Variants in RNF185 observed in about 807,000 individuals in gnomAD.
The protein encoded by RNF185 is E3 ubiquitin-protein ligase RNF185.
In RNF185, 13 loss-of-function variants were observed where a neutral mutation model predicts 24.9. That is an observed-to-expected ratio of 0.52 (90% CI 0.34 to 0.83). The LOEUF (loss-of-function observed/expected upper bound fraction) is 0.83, where lower values mean the gene tolerates loss of function less well. Among genes scored for constraint, RNF185 ranks in the 40% least tolerant of loss-of-function variants. RNF185 has a pLI of 0.01. For missense variants in RNF185, 184 were observed against 244.7 expected, an observed-to-expected ratio of 0.75 and a Z score of 1.65; for synonymous variants, 79 against 90.3, an observed-to-expected ratio of 0.88 and a Z score of 0.71.
rs60362805 is a variant in RNF185 at position 31,163,656 on chromosome 22, T to TTTTATTTATTTATTTATTTA, written c.-49+3369_-49+3388dup. Reference sequence around the variant, plus strand: ...TATTGTTTTTTAACTTTTTATTTTATTTTATTTATTTATTTATTTATTTAT... The same window carrying TTTTATTTATTTATTTATTTA: ...TATTGTTTTTTAACTTTTTATTTTATTTTATTTATTTATTTATTTATTTATTTATTTATTTATTTATTTAT... On this transcript the variant is annotated intron_variant, in intron 1 of 6. Coordinates refer to ENST00000326132, the MANE Select transcript of RNF185 (RefSeq NM_152267.4). 3.2e-4 allele frequency among the ~76,000 whole-genome samples: 45 copies of TTTTATTTATTTATTTATTTA among 141,092 alleles called. 1 individual carries two copies. The highest frequency in any genetic ancestry group is 4.6e-4 in the South Asian group (2 of 4,386). The allele number at this position is 141,092 out of a possible 152,430, so 92.6% of individuals were successfully genotyped here.
chr22:31,187,315 G>A lies in RNF185; in HGVS notation c.176+45G>A, dbSNP rs141684448. 1,726 of 1,607,346 alleles carry A rather than the reference G, an allele frequency of 1.1e-3. 17 individuals are homozygous for A. The African/African-American group carries it at 0.021, about 20-fold the overall frequency. The stretch of plus-strand genomic sequence containing the variant: ...CCCCAGAGAGCACATTGCCAAGTTT[G>A]GAAAGCCTGTGGCCCTGGGTGGTTT... On this transcript the variant is annotated intron_variant, in intron 2 of 6. Coordinates refer to ENST00000326132, the MANE Select transcript of RNF185 (RefSeq NM_152267.4).
intron 5 of RNF185, 53 bp from the exon 6 acceptor site, chr22:31,201,445 A>T: frequency 1.5e-6 from 2 of 1,324,478 alleles, no homozygotes; most frequent in Non-Finnish European, 2.2e-6. Flanking sequence ...TTTGACAGGC[A>T]CAGGAGAAAC....
intron 1 of RNF185, among the ~76,000 whole-genome samples, chr22:31,181,251 AG>A (rs1301774473): frequency 6.6e-6 from 1 of 151,896 alleles, no homozygotes; most frequent in African/African-American, 2.4e-5. Flanking sequence ...AGGCTGAGGC[AG>A]GGGATTGCTT....
chr22:31,182,009 T>A (rs903925774), intron 1 of RNF185, among the ~76,000 whole-genome samples: 4 of 150,206 alleles, frequency 2.7e-5, no homozygotes, highest in Non-Finnish European at 4.4e-5. Context: ...ATAATAAAAA[T>A]ATATATATAT....
Position 31,184,671 on chromosome 22 carries a change from C to T in RNF185, c.-48-2376C>T, listed in dbSNP as rs900145921. 2.0e-4 allele frequency among the ~76,000 whole-genome samples: 30 copies of T among 152,178 alleles called. 1 individual carries two copies. Among genetic ancestry groups the T allele is most frequent in the Admixed American group, 1.9e-3 (29 of 15,274 alleles). ...GACTCCGTCTGCAATCCTGGCACCT[C>T]GGGAGGCCGAGGCTGGCAGACCACT... On this transcript the variant is annotated intron_variant, in intron 1 of 6. Coordinates refer to ENST00000326132, the MANE Select transcript of RNF185 (RefSeq NM_152267.4).
chr22:31,197,863 G>A (rs1326685999), intron 5 of RNF185, among the ~76,000 whole-genome samples: 7 of 152,166 alleles, frequency 4.6e-5, no homozygotes, highest in South Asian at 4.2e-4. Context: ...GATTACAGGC[G>A]TGAACCACTG....
chr22:31,163,963 C>T (rs895745975), intron 1 of RNF185, among the ~76,000 whole-genome samples: 30 of 147,004 alleles, frequency 2.0e-4, no homozygotes, highest in African/African-American at 6.5e-4. Flanking sequence ...CTTGAGCCAC[C>T]GTGCCTGGCC....
intron 1 of RNF185, chr22:31,183,170 GC>G (rs527997553): frequency 4.1e-4 from 63 of 151,944 alleles, no homozygotes; most frequent in African/African-American, 1.4e-3. Flanking sequence ...GTATCCACCT[GC>G]CTCGGCCTCC....
At chr22:31,164,988 G>T (rs1016955803) in intron 1 of RNF185, among the ~76,000 whole-genome samples, 1 of 151,072 alleles carries the variant, frequency 6.6e-6, no homozygotes, top group Non-Finnish European at 1.5e-5. Flanking sequence ...TTGGCTCACC[G>T]CAACATCTGC....
intron 1 of RNF185, among the ~76,000 whole-genome samples, chr22:31,173,748 T>C (rs911444589): frequency 1.3e-5 from 2 of 152,234 alleles, no homozygotes; most frequent in Admixed American, 1.3e-4. Context: ...CAGTGTTAGC[T>C]ATGTTACTTA....
Position 31,204,773 on chromosome 22 carries a change from C to T in RNF185, c.*187C>T, listed in dbSNP as rs1042765098. On this transcript the variant is annotated 3_prime_UTR_variant, in exon 7 of 7. Coordinates refer to ENST00000326132, the MANE Select transcript of RNF185 (RefSeq NM_152267.4). Reference sequence around the variant, plus strand: ...CCAGTTGGCGATGACCCCTGAATATCGCCACCGCTGTAAACACTCTATAAC... The same window carrying T: ...CCAGTTGGCGATGACCCCTGAATATTGCCACCGCTGTAAACACTCTATAAC... 25 of 577,066 alleles carry T rather than the reference C, an allele frequency of 4.3e-5. No homozygotes were observed. Among genetic ancestry groups the T allele is most frequent in the Admixed American group, 3.7e-4 (13 of 35,276 alleles). The allele number at this position is 577,066 out of a possible 1,614,324, so 35.7% of individuals were successfully genotyped here.
At chr22:31,166,629 C>T (rs771940596) in intron 1 of RNF185, among the ~76,000 whole-genome samples, 61 of 150,216 alleles carry the variant, frequency 4.1e-4, no homozygotes, top group Admixed American at 7.4e-4. Context: ...CCTCCTTCTT[C>T]TTCTTCTTCT....
intron 1 of RNF185, among the ~76,000 whole-genome samples, chr22:31,184,624 A>G (rs1339627304): frequency 6.6e-6 from 1 of 152,290 alleles, no homozygotes; most frequent in South Asian, 2.1e-4. Flanking sequence ...AGCCTGGGCA[A>G]CATTGAGCAC....
Position 31,185,070 on chromosome 22 carries a change from G to A in RNF185, c.-48-1977G>A, listed in dbSNP as rs570336685. Among the ~76,000 whole-genome samples the A allele has an allele frequency of 4.0e-3, 603 of 149,666 alleles. 6 individuals are homozygous for A. The highest frequency in any genetic ancestry group is 6.7e-3 in the Non-Finnish European group (450 of 67,576). ...AATAATGAGGAAAGATAGTAATGTG[G>A]CCCTCAAAAGTGGGTTTTATCCTAA... On this transcript the variant is annotated intron_variant, in intron 1 of 6. Coordinates refer to ENST00000326132, the MANE Select transcript of RNF185 (RefSeq NM_152267.4).
chr22:31,165,439 G>T (rs925398941), intron 1 of RNF185, among the ~76,000 whole-genome samples: 3 of 152,108 alleles, frequency 2.0e-5, no homozygotes, highest in Non-Finnish European at 4.4e-5. Flanking sequence ...TGCTCATTTT[G>T]TAATTGAGTT....
intron 5 of RNF185, among the ~76,000 whole-genome samples, chr22:31,198,623 T>C (rs1022355811): frequency 6.8e-6 from 1 of 147,256 alleles, no homozygotes; most frequent in African/African-American, 2.5e-5. Flanking sequence ...GGTCTCGAAC[T>C]CCCAAGCTCA....
chr22:31,165,080 T>C (rs1305934418), intron 1 of RNF185, among the ~76,000 whole-genome samples: 1 of 149,892 alleles, frequency 6.7e-6, no homozygotes, highest in Non-Finnish European at 1.5e-5. Flanking sequence ...CCGGCTAATT[T>C]TGTATTTTTT....
chr22:31,194,248 C>T (rs770883138), intron 3 of RNF185, among the ~76,000 whole-genome samples: 95 of 152,030 alleles, frequency 6.2e-4, no homozygotes, highest in African/African-American at 1.9e-3. Flanking sequence ...AAACCCAAAA[C>T]GGGATTTTTT....
chr22:31,172,951 C>T (rs1486486413), intron 1 of RNF185, among the ~76,000 whole-genome samples: 2 of 152,162 alleles, frequency 1.3e-5, no homozygotes, highest in Non-Finnish European at 2.9e-5. Flanking sequence ...TGACTGGTAT[C>T]TGTCCAGTCT....
Sources: gnomAD v4.1 joint callset for allele counts (sites outside exome capture counted in the v4.1 genomes callset) on GRCh38, gnomAD v4.1.1 for gene constraint, MANE v1.5 for transcripts, NCBI Gene and HGNC (gene_info 2026-07-23, HGNC 2026-07-21) for gene names.